Variants in HDAC10 observed in about 807,000 individuals in gnomAD.
HDAC10 encodes histone deacetylase 10, also known as polyamine deacetylase HDAC10.
Under a neutral mutation model 82.3 loss-of-function variants are expected in HDAC10, and 90 were observed. That is an observed-to-expected ratio of 1.09 (90% CI 0.92 to 1.30). The LOEUF (loss-of-function observed/expected upper bound fraction) is 1.30. Ranked by LOEUF, HDAC10 falls within the 50% of genes most tolerant of loss-of-function variation. The probability of loss-of-function intolerance (pLI) is 0.00; values close to 1 mark genes in which losing one functional copy is unlikely to be tolerated. For missense variants in HDAC10, 934 were observed against 876.3 expected, an observed-to-expected ratio of 1.07 and a Z score of -0.83; for synonymous variants, 456 against 391.7, an observed-to-expected ratio of 1.16 and a Z score of -1.94.
Position 50,251,150 on chromosome 22 carries a change from G to A in HDAC10, c.-118C>T. Reference sequence around the variant, plus strand: ...CCTGGGACCTGCCTGGGGCGCAGGCGGGCGGCGGGCACCGGCCTGGGCGGG... The same window carrying A: ...CCTGGGACCTGCCTGGGGCGCAGGCAGGCGGCGGGCACCGGCCTGGGCGGG... On this transcript the variant is annotated 5_prime_UTR_variant, in exon 1 of 20. Coordinates refer to ENST00000216271, the MANE Select transcript of HDAC10 (RefSeq NM_032019.6). 2 of 1,088,082 alleles carry A rather than the reference G, an allele frequency of 1.8e-6. No homozygotes were observed. Among genetic ancestry groups the A allele is most frequent in the East Asian group, 2.6e-5 (1 of 37,784 alleles). The allele number at this position is 1,088,082 out of a possible 1,614,324, so 67.4% of individuals were successfully genotyped here. A position where few individuals can be genotyped will look rare whatever the true frequency, so the allele number is the denominator to read the frequency against.
Position 50,249,258 on chromosome 22 carries a change from G to T in HDAC10, c.690+70C>A. On this transcript the variant is annotated intron_variant, in intron 7 of 19. Coordinates refer to ENST00000216271, the MANE Select transcript of HDAC10 (RefSeq NM_032019.6). This position sits in a 1 kb window ranked among gnomAD's most constrained non-coding sequence, Gnocchi z 4.4. ...GGGTGGGGACCTGGGGCTTGAGGGT[G>T]AACTGTGGGGGAGGGGAGGGGCCCA... The T allele has an allele frequency of 7.9e-7, 1 of 1,268,196 alleles. No individual in the cohort carries two copies. Among genetic ancestry groups the T allele is most frequent in the Non-Finnish European group, 1.1e-6 (1 of 929,526 alleles). The allele number at this position is 1,268,196 out of a possible 1,614,324, so 78.6% of individuals were successfully genotyped here.
At chr22:50,250,200 T>C in intron 3 of HDAC10, 40 bp from the exon 4 acceptor site, 1 of 1,562,044 alleles carries the variant, frequency 6.4e-7, no homozygotes, top group Non-Finnish European at 8.7e-7. Context: ...CTGCCTTCCC[T>C]GCTGCCCTTT....
intron 2 of HDAC10, 38 bp from the exon 3 acceptor site, chr22:50,250,561 CAGCAGG>C: frequency 6.6e-7 from 1 of 1,523,454 alleles, no homozygotes; most frequent in Middle Eastern, 1.7e-4. Context: ...GCAGGGTCAC[CAGCAGG>C]AGCAGGGGGG....
At position 50,245,679 on chromosome 22, in the gene HDAC10, A is replaced by C; in HGVS notation, c.1982T>G (p.Leu661Trp). Residue 661 changes from leucine to tryptophan, a missense_variant, in exon 19 of 20, where the codon TTG becomes TGG. Coordinates refer to ENST00000216271, the MANE Select transcript of HDAC10 (RefSeq NM_032019.6). ...RGQLEPQWKM[L>W]QCHPHLVA is the part of the protein sequence containing the mutation. ...TGCCTCCGCAGTCAGCCTCACCTGC[A>C]ACATCTTCCACTGAGGCTCCAGCTG... 6.2e-7 allele frequency: 1 copy of C among 1,613,044 alleles called. No individual in the cohort carries two copies. Among genetic ancestry groups the C allele is most frequent in the Non-Finnish European group, 8.5e-7 (1 of 1,179,876 alleles).
rs953908508 is a variant in HDAC10, at chr22:50,246,737, T to C, written c.1515-2A>G. 6 of 1,612,662 alleles carry C rather than the reference T, an allele frequency of 3.7e-6. No individual in the cohort carries two copies. Among genetic ancestry groups the C allele is most frequent in the Non-Finnish European group, 4.2e-6 (5 of 1,179,964 alleles). On this transcript the variant is annotated splice_acceptor_variant, in intron 15 of 19. Coordinates refer to ENST00000216271, the MANE Select transcript of HDAC10 (RefSeq NM_032019.6). LOFTEE classifies it high-confidence loss of function. ...TGTCCCAGGGCCACGCACAGCAGCC[T>C]GGAAGAAGAGCTGGCCTCAGGACAG... is the stretch of plus-strand genomic sequence containing the variant.
At position 50,246,875 on chromosome 22, in the gene HDAC10, C is replaced by G. The variant is rs760392704; in HGVS notation, c.1514G>C (p.Arg505Thr). Residue 505 changes from arginine (R) to threonine (T), a missense_variant and splice_region_variant, in exon 15 of 20, where the codon AGG (arginine) becomes ACG (threonine). Arg to Thr is a moderately conservative substitution (Grantham distance 71). Transcript: ENST00000216271. ...CTCAGGATGGCCAAGTGAGGCTTAC[C>G]TCTGGGCTCCGTGGGACAGGCCTCT... ...VRRGLSHGAQRLLCVALGQLD... is the reference protein window; with the variant it reads ...VRRGLSHGAQTLLCVALGQLD... 5.0e-6 allele frequency: 8 copies of G among 1,611,450 alleles called. No homozygotes were observed. The highest frequency in any genetic ancestry group is 6.8e-6 in the Non-Finnish European group (8 of 1,178,672).
rs2064932362 is a variant in HDAC10, at chr22:50,245,893, C to A, written c.1833+17G>T. The A allele has an allele frequency of 6.4e-7, 1 of 1,559,692 alleles. No individual in the cohort carries two copies. ...CCCTCGTCCCACCCCGCAGCACCTC[C>A]ACCCTGCCCAGCTTACCTCCTCCAG... is the stretch of plus-strand genomic sequence containing the variant. On this transcript the variant is annotated intron_variant, in intron 18 of 19. Transcript: ENST00000216271.
intron 14 of HDAC10, 66 bp downstream of exon 14, chr22:50,247,626 C>T (rs1358378134): frequency 1.0e-5 from 12 of 1,167,008 alleles, no homozygotes; most frequent in African/African-American, 1.5e-5. Flanking sequence ...GGCCACATCT[C>T]GTTGGCAGGT....
At chr22:50,245,884 C>A (rs1601617288) in intron 18 of HDAC10, 26 bp downstream of exon 18, 1 of 1,555,068 alleles carries the variant, frequency 6.4e-7, no homozygotes, top group Non-Finnish European at 8.7e-7. Context: ...TCCCACCCCG[C>A]AGCACCTCCA....
rs780311015 is a variant in HDAC10, at chr22:50,248,244, C to T, written c.1062G>A (p.Trp354Ter). The change falls in exon 12 of 20, where the codon TGG becomes TGA. Residue 354 changes from tryptophan (W) to a stop codon, truncating the protein, a stop_gained. Transcript: ENST00000216271. LOFTEE classifies it high-confidence loss of function. The surrounding 1 kb of genome is among the most constrained non-coding windows in gnomAD (Gnocchi z 5.4). ...ACTGACCTTGCTGCTGGAGGCTCTT[C>T]CAGTGCGGGGCCTGGGCAGCACGGG... ...QSARAAQAPH[W>*]KSLQQQDVTA... The T allele has an allele frequency of 1.4e-5, 23 of 1,612,188 alleles. No homozygotes were observed. The highest frequency in any genetic ancestry group is 1.2e-4 in the Admixed American group (7 of 59,968).
chr22:50,247,136 AAT>A, intron 14 of HDAC10, 170 bp from the exon 15 acceptor site: 1 of 453,530 alleles, frequency 2.2e-6, no homozygotes, highest in Non-Finnish European at 3.8e-6. Flanking sequence ...TTACGTCTAT[AAT>A]TTTTTTTTTT....
Position 50,249,857 on chromosome 22 carries a change from C to T in HDAC10, c.494+3G>A. On this transcript the variant is annotated splice_donor_region_variant and intron_variant, in intron 5 of 19. Transcript: ENST00000216271. The surrounding 1 kb of genome is among the most constrained non-coding windows in gnomAD (Gnocchi z 4.4). ...ACCCCCCTGCAGCCAGCCTGGCACA[C>T]ACCTGTGTAGCCCGTGTTTCTGCTT... is the stretch of plus-strand genomic sequence containing the variant. The T allele has an allele frequency of 2.5e-6, 4 of 1,611,244 alleles. No homozygotes were observed. The highest frequency in any genetic ancestry group is 3.4e-6 in the Non-Finnish European group (4 of 1,178,580).
In HDAC10 at chr22:50,248,707, CTG is replaced by C; in HGVS notation, c.859_860del (p.Gln287AlafsTer37). 1 of 1,556,150 alleles carries C rather than the reference CTG, an allele frequency of 6.4e-7. No homozygotes were observed. Among genetic ancestry groups the C allele is most frequent in the East Asian group, 2.3e-5 (1 of 42,880 alleles). ...GGCCGCCGGCCAGCACCTGCAGCAG[CTG>C]TGTGAGGTGGGCGAAGCACTCTGGC... ...ATPECFAHLT[Q>X]LLQVLAGGRV... On this transcript the variant is annotated frameshift_variant, in exon 10 of 20. Coordinates refer to ENST00000216271, the MANE Select transcript of HDAC10 (RefSeq NM_032019.6). LOFTEE classifies it high-confidence loss of function. The surrounding 1 kb of genome is among the most constrained non-coding windows in gnomAD (Gnocchi z 5.4).
chr22:50,251,065 G>T lies in HDAC10; in HGVS notation c.-33C>A. ...CCGTGGTCACCCTGGGTTCCCAAAC[G>T]CCCTCGCTAGTGGTGCCTGCCACTG... On this transcript the variant is annotated 5_prime_UTR_variant, in exon 1 of 20. Coordinates refer to ENST00000216271, the MANE Select transcript of HDAC10 (RefSeq NM_032019.6). 1 of 1,593,842 alleles carries T rather than the reference G, an allele frequency of 6.3e-7. No individual in the cohort carries two copies. Among genetic ancestry groups the T allele is most frequent in the East Asian group, 2.3e-5 (1 of 43,540 alleles).
rs1457974680 is a variant in HDAC10 at position 50,250,090 on chromosome 22, G to A, written c.362C>T (p.Ala121Val). Residue 121 changes from alanine to valine, a missense_variant, in exon 4 of 20, where the codon GCT (alanine) becomes GTT (valine). Transcript: ENST00000216271. ...LQLVDAVLTG[A>V]VQNGLALVRP... ...CACCAGGGCAAGCCCATTTTGCACA[G>A]CTCCAGTGAGCACAGCGTCCACCAG... The A allele has an allele frequency of 1.2e-6, 2 of 1,612,756 alleles. No homozygotes were observed. Among genetic ancestry groups the A allele is most frequent in the South Asian group, 1.1e-5 (1 of 91,088 alleles).
rs779062288 is a variant in HDAC10 at position 50,245,942 on chromosome 22, C to A, written c.1801G>T (p.Ala601Ser). The part of the protein sequence containing the change: ...ALLAAMLRGL[A>S]GGRVLALLEE... ...AGGAGGGCCAGGACTCGGCCCCCTG[C>A]CAGCCCCCGAAGCATTGCAGCCAGG... Residue 601 changes from alanine (A) to serine (S), a missense_variant, in exon 18 of 20, where the codon GCA becomes TCA. By Grantham distance (99) the Ala-to-Ser change is moderately conservative. Transcript: ENST00000216271. The A allele has an allele frequency of 6.3e-7, 1 of 1,594,708 alleles. No homozygotes were observed. The highest frequency in any genetic ancestry group is 1.1e-5 in the South Asian group (1 of 88,698).
At position 50,248,604 on chromosome 22, in the gene HDAC10, G is replaced by A; in HGVS notation, c.906+58C>T. The A allele has an allele frequency of 6.8e-7, 1 of 1,472,056 alleles. No individual in the cohort carries two copies. Among genetic ancestry groups the A allele is most frequent in the Non-Finnish European group, 9.0e-7 (1 of 1,106,688 alleles). The allele number at this position is 1,472,056 out of a possible 1,614,324, so 91.2% of individuals were successfully genotyped here. On this transcript the variant is annotated intron_variant, in intron 10 of 19. Transcript: ENST00000216271. This position sits in a 1 kb window ranked among gnomAD's most constrained non-coding sequence, Gnocchi z 5.4. ...TACCCCGTGGGCACCTGGCTCCCAT[G>A]CTCCTGACCCCCAGGCCTCTGGCCC...
intron 15 of HDAC10, 49 bp downstream of exon 15, chr22:50,246,826 G>T: frequency 6.3e-7 from 1 of 1,592,428 alleles, no homozygotes; most frequent in Non-Finnish European, 8.6e-7. Flanking sequence ...GGATAGGGGT[G>T]CCCACAGGTC....
In HDAC10 at chr22:50,250,903, G is replaced by C; in HGVS notation, c.62C>G (p.Pro21Arg). 1 of 1,603,752 alleles carries C rather than the reference G, an allele frequency of 6.2e-7. No homozygotes were observed. The highest frequency in any genetic ancestry group is 1.1e-5 in the South Asian group (1 of 89,906). The change falls in exon 2 of 20, where the codon CCC becomes CGC. Residue 21 changes from proline (P) to arginine (R), a missense_variant and splice_region_variant. By Grantham distance (103) the Pro-to-Arg change is moderately radical (BLOSUM62 -2). Transcript: ENST00000216271. ...CTCAGGACGCTCGATCTCGCACTCG[G>C]GGCTGGGGCAGATGAGGAGCTCAGT... ...MTATRLLWDD[P>R]ECEIERPERL...
Sources: allele counts gnomAD v4.1 joint callset, GRCh38; gene constraint gnomAD v4.1.1; non-coding constraint Gnocchi (gnomAD v3.1); transcripts MANE v1.5; gene names NCBI Gene and HGNC (gene_info 2026-07-23, HGNC 2026-07-21).